The following FGGY variants were observed in gnomAD, a reference collection of about 807,000 sequenced individuals.
The protein encoded by FGGY is FGGY carbohydrate kinase domain containing.
FGGY carries 72 observed loss-of-function variants against 71.3 expected under a neutral mutation model. The ratio of observed to expected loss-of-function variants is 1.01; its 90% CI spans 0.84 to 1.23. FGGY has a LOEUF of 1.23. Ranked by LOEUF, FGGY falls within the 50% of genes most tolerant of loss-of-function variation. The pLI is 0.00. For missense variants in FGGY, 668 were observed against 682.3 expected (o/e 0.98, Z 0.23); for synonymous variants, 251 against 250.3 (o/e 1.00, Z -0.02).
chr1:59,535,070 C>T (rs1260160698), intron 7 of FGGY, among the ~76,000 whole-genome samples: 2 of 152,154 alleles, frequency 1.3e-5, no homozygotes, highest in Non-Finnish European at 2.9e-5. Context: ...CATCAGTGTG[C>T]TGTATTCAGG....
intron 8 of FGGY, among the ~76,000 whole-genome samples, chr1:59,592,700 C>T (rs972139879): frequency 4.0e-5 from 6 of 150,844 alleles, no homozygotes; most frequent in African/African-American, 1.5e-4. Context: ...AGACCAAACA[C>T]CGCATATTCT....
intron 8 of FGGY, among the ~76,000 whole-genome samples, chr1:59,588,071 A>G (rs1158974837): frequency 6.6e-6 from 1 of 152,228 alleles, no homozygotes; most frequent in East Asian, 1.9e-4. Flanking sequence ...ATGTATAACT[A>G]GAATAACCAA....
chr1:59,587,435 G>A (rs61788871), intron 8 of FGGY, among the ~76,000 whole-genome samples: 16,434 of 149,224 alleles, frequency 0.11, 1,284 homozygotes, highest in South Asian at 0.28. Context: ...CAGCTTTGAA[G>A]AGAGCAGTGG....
intron 6 of FGGY, among the ~76,000 whole-genome samples, chr1:59,467,664 G>T (rs6587860): frequency 6.6e-6 from 1 of 151,608 alleles, no homozygotes; most frequent in African/African-American, 2.4e-5. Context: ...TGACATTACA[G>T]TTACACTTTC....
intron 5 of FGGY, among the ~76,000 whole-genome samples, chr1:59,444,448 A>G (rs577719888): frequency 6.6e-6 from 1 of 152,196 alleles, no homozygotes; most frequent in African/African-American, 2.4e-5. Context: ...GAAACTGTAT[A>G]ATACATTATT....
chr1:59,367,010 C>G (rs2056706837), intron 4 of FGGY, among the ~76,000 whole-genome samples: 1 of 152,174 alleles, frequency 6.6e-6, no homozygotes, highest in Non-Finnish European at 1.5e-5. Context: ...TCATAATGAT[C>G]ACAGCCAAGT....
rs182966968 is a variant in FGGY at position 59,556,305 on chromosome 1, A to G, written c.903+2078A>G. Among the ~76,000 whole-genome samples the G allele has an allele frequency of 6.8e-3, 1,042 of 152,344 alleles. 7 individuals are homozygous for G. Among genetic ancestry groups the G allele is most frequent in the South Asian group, 0.02 (95 of 4,824 alleles). On this transcript the variant is annotated intron_variant, in intron 8 of 15. Coordinates refer to ENST00000303721, the MANE Select transcript of FGGY (RefSeq NM_018291.5). ...CCCCACTCAATTCAGATTTCTGAAC[A>G]GAAGCAAATCTAAATGGATGCAAGT...
At chr1:59,611,061 G>T (rs2096672043) in intron 9 of FGGY, among the ~76,000 whole-genome samples, 1 of 152,234 alleles carries the variant, frequency 6.6e-6, no homozygotes, top group Non-Finnish European at 1.5e-5. Context: ...AGACCTGCCT[G>T]CCTCTGTAGA....
At chr1:59,439,484 C>T (rs1354714664) in intron 5 of FGGY, among the ~76,000 whole-genome samples, 1 of 152,104 alleles carries the variant, frequency 6.6e-6, no homozygotes, top group African/African-American at 2.4e-5. Context: ...ATCCATTCCT[C>T]TCTCTTAATG....
chr1:59,507,684 A>ATTTTTTTTTTTTTTTTT (rs561953004), intron 6 of FGGY, among the ~76,000 whole-genome samples: 97 of 106,908 alleles, frequency 9.1e-4, no homozygotes, highest in African/African-American at 2.1e-3. Context: ...TGCTTGGCTA[A>ATTTTTTTTTTTTTTTTT]TTTTTTTTTT....
At chr1:59,415,559 T>C (rs1409542891) in intron 5 of FGGY, among the ~76,000 whole-genome samples, 1 of 152,222 alleles carries the variant, frequency 6.6e-6, no homozygotes, top group Non-Finnish European at 1.5e-5. Flanking sequence ...TTTCTTACGA[T>C]GTGCCCATGG....
At chr1:59,671,727 C>A (rs768451604) in intron 13 of FGGY, among the ~76,000 whole-genome samples, 8 of 152,186 alleles carry the variant, frequency 5.3e-5, no homozygotes, top group Non-Finnish European at 1.0e-4. Flanking sequence ...AGTTTTAATT[C>A]TCACAGCAAC....
chr1:59,318,392 C>A (rs1270847614), intron 1 of FGGY, among the ~76,000 whole-genome samples: 1 of 152,212 alleles, frequency 6.6e-6, no homozygotes, highest in African/African-American at 2.4e-5. Context: ...AGCTGTGACA[C>A]AGGCGGCAGC....
chr1:59,478,024 C>T (rs12071387), intron 6 of FGGY, among the ~76,000 whole-genome samples: 3,165 of 152,154 alleles, frequency 0.021, 115 homozygotes, highest in African/African-American at 0.073. Flanking sequence ...AATCCTGGCC[C>T]TGCCATTTAC....
chr1:59,302,502 C>T (rs997592002), intron 1 of FGGY, among the ~76,000 whole-genome samples: 1 of 152,088 alleles, frequency 6.6e-6, no homozygotes, highest in African/African-American at 2.4e-5. Flanking sequence ...TGATCATGTC[C>T]TTTACAGCAG....
At chr1:59,442,939 A>T (rs1277453085) in intron 5 of FGGY, among the ~76,000 whole-genome samples, 1 of 152,222 alleles carries the variant, frequency 6.6e-6, no homozygotes, top group Non-Finnish European at 1.5e-5. Context: ...AAATATTCTC[A>T]GGGGGTTGAA....
intron 9 of FGGY, among the ~76,000 whole-genome samples, chr1:59,617,933 G>A (rs1039414354): frequency 1.3e-5 from 2 of 152,094 alleles, no homozygotes; most frequent in Non-Finnish European, 2.9e-5. Flanking sequence ...CCAAGGCTGG[G>A]ACTAGCCTCA....
At chr1:59,303,632 A>G (rs767472619) in intron 1 of FGGY, among the ~76,000 whole-genome samples, 2 of 152,168 alleles carry the variant, frequency 1.3e-5, no homozygotes, top group Admixed American at 6.5e-5. Context: ...TAAGATTACT[A>G]TATCATATGG....
chr1:59,592,734 A>G (rs1178123319), intron 8 of FGGY, among the ~76,000 whole-genome samples: 3 of 146,392 alleles, frequency 2.0e-5, no homozygotes, highest in Non-Finnish European at 3.0e-5. Context: ...GAATTGAACA[A>G]TGAGAATACA....
Sources: gnomAD v4.1 joint callset for allele counts (sites outside exome capture counted in the v4.1 genomes callset) on GRCh38, gnomAD v4.1.1 for gene constraint, MANE v1.5 for transcripts, NCBI Gene and HGNC (gene_info 2026-07-23, HGNC 2026-07-21) for gene names.